Variants in CTNND2 observed in about 807,000 individuals in gnomAD.
CTNND2 encodes the protein catenin delta-2.
In CTNND2, 22 loss-of-function variants were observed where a neutral mutation model predicts 144.4. That is an observed-to-expected ratio of 0.15 (90% CI 0.11 to 0.22). The LOEUF (loss-of-function observed/expected upper bound fraction) is 0.22, where lower values mean the gene tolerates loss of function less well. Ranked by LOEUF, CTNND2 falls within the 10% of genes least tolerant of loss-of-function variation. The probability of loss-of-function intolerance (pLI) is 1.00; values close to 1 mark genes in which losing one functional copy is unlikely to be tolerated. For missense variants in CTNND2, 1,353 were observed against 1,618.8 expected (o/e 0.84, Z 2.82); for synonymous variants, 751 against 695.6 (o/e 1.08, Z -1.25).
At chr5:11,784,248 G>A (rs1008487785) in intron 1 of CTNND2, among the ~76,000 whole-genome samples, 5 of 152,138 alleles carry the variant, frequency 3.3e-5, no homozygotes, top group African/African-American at 1.2e-4. Flanking sequence ...AATTCAAATG[G>A]ACAATGGGAA....
At chr5:11,217,498 A>G (rs1329686234) in intron 10 of CTNND2, among the ~76,000 whole-genome samples, 1 of 152,230 alleles carries the variant, frequency 6.6e-6, no homozygotes, top group Non-Finnish European at 1.5e-5. Flanking sequence ...GTGGAAAAGA[A>G]TGAAGCATCA....
At chr5:11,257,360 T>C (rs541497842) in intron 9 of CTNND2, among the ~76,000 whole-genome samples, 3 of 152,272 alleles carry the variant, frequency 2.0e-5, no homozygotes, top group East Asian at 1.9e-4. Flanking sequence ...ATGCACCAAT[T>C]TACTGTATTA....
intron 1 of CTNND2, among the ~76,000 whole-genome samples, chr5:11,891,628 G>A (rs1736970168): frequency 6.6e-6 from 1 of 152,218 alleles, no homozygotes; most frequent in South Asian, 2.1e-4. Flanking sequence ...TCTACAAAAG[G>A]CCATGTGAGG....
At chr5:11,901,613 A>G (rs1420407418) in intron 1 of CTNND2, among the ~76,000 whole-genome samples, 1 of 152,228 alleles carries the variant, frequency 6.6e-6, no homozygotes, top group Non-Finnish European at 1.5e-5. Context: ...ATACAACTAC[A>G]CAAACGTACA....
intron 2 of CTNND2, among the ~76,000 whole-genome samples, chr5:11,597,148 C>A (rs1779548090): frequency 6.6e-6 from 1 of 152,174 alleles, no homozygotes; most frequent in South Asian, 2.1e-4. Context: ...GTAGAAACAG[C>A]ACATTGTTCT....
intron 3 of CTNND2, among the ~76,000 whole-genome samples, chr5:11,432,141 T>A (rs1192958536): frequency 2.8e-5 from 4 of 143,556 alleles, no homozygotes; most frequent in African/African-American, 5.4e-5. Flanking sequence ...TTTTTTTTTT[T>A]AAGTTAAGGG....
At chr5:10,982,724 A>G (rs1024820760) in intron 20 of CTNND2, among the ~76,000 whole-genome samples, 1 of 152,254 alleles carries the variant, frequency 6.6e-6, no homozygotes, top group Non-Finnish European at 1.5e-5. Flanking sequence ...GCTGTTGACA[A>G]TAGCCTAGAT....
chr5:10,994,892 G>T (rs1739176939), intron 18 of CTNND2, among the ~76,000 whole-genome samples: 1 of 152,154 alleles, frequency 6.6e-6, no homozygotes, highest in African/African-American at 2.4e-5. Flanking sequence ...CCACACTGGA[G>T]GGTTTGCTGG....
At chr5:11,897,997 C>T (rs930438675) in intron 1 of CTNND2, among the ~76,000 whole-genome samples, 1 of 152,208 alleles carries the variant, frequency 6.6e-6, no homozygotes, top group Non-Finnish European at 1.5e-5. Context: ...CTTCTCTCTT[C>T]CTCTGGAGAT....
chr5:10,989,947 G>A (rs756125869), intron 19 of CTNND2, among the ~76,000 whole-genome samples: 8 of 152,146 alleles, frequency 5.3e-5, no homozygotes, highest in Non-Finnish European at 1.2e-4. Flanking sequence ...TTGGATCCTG[G>A]ATGCCTATTA....
At chr5:11,547,787 C>A (rs535294381) in intron 3 of CTNND2, among the ~76,000 whole-genome samples, 1 of 152,248 alleles carries the variant, frequency 6.6e-6, no homozygotes, top group East Asian at 1.9e-4. Context: ...TACATATTGC[C>A]AGTGGGAAAG....
At chr5:11,578,040 C>A (rs1267534292) in intron 2 of CTNND2, among the ~76,000 whole-genome samples, 1 of 151,960 alleles carries the variant, frequency 6.6e-6, no homozygotes, top group Non-Finnish European at 1.5e-5. Flanking sequence ...GTTCTTACAC[C>A]CAAAAAAATA....
chr5:11,678,812 C>T (rs1436198779), intron 2 of CTNND2, among the ~76,000 whole-genome samples: 5 of 152,012 alleles, frequency 3.3e-5, no homozygotes, highest in African/African-American at 4.8e-5. Context: ...GGCCTATATA[C>T]GTGAAAAATC....
intron 2 of CTNND2, among the ~76,000 whole-genome samples, chr5:11,669,838 T>C (rs951241473): frequency 6.6e-6 from 1 of 152,142 alleles, no homozygotes; most frequent in Non-Finnish European, 1.5e-5. Flanking sequence ...GTAATTGTGA[T>C]GTTAGGGAGT....
chr5:11,882,715 T>C (rs777456009), intron 1 of CTNND2, among the ~76,000 whole-genome samples: 1 of 152,156 alleles, frequency 6.6e-6, no homozygotes, highest in East Asian at 1.9e-4. Flanking sequence ...TATAGATTTA[T>C]AGTATATTTT....
chr5:11,193,435 T>C (rs1736538696), intron 11 of CTNND2, among the ~76,000 whole-genome samples: 1 of 152,222 alleles, frequency 6.6e-6, no homozygotes, highest in Non-Finnish European at 1.5e-5. Flanking sequence ...TATTCATTTT[T>C]ATCTTTGGGA....
chr5:11,346,504 T>A lies in CTNND2; in HGVS notation c.1496A>T (p.Tyr499Phe), dbSNP rs1343457366. 1 of 1,606,086 alleles carries A rather than the reference T, an allele frequency of 6.2e-7. No individual in the cohort carries two copies. The highest frequency in any genetic ancestry group is 8.5e-7 in the Non-Finnish European group (1 of 1,176,652). The change falls in exon 9 of 22, where the codon TAC (tyrosine) becomes TTC (phenylalanine). Residue 499 changes from tyrosine (Y) to phenylalanine (F), a missense_variant. Around this residue, in one of 4 missense-constraint regions of CTNND2, gnomAD observed 708 missense variants for 706.4 expected, o/e 1.00. Transcript: ENST00000304623. ...CTGCAGCTGTCGGTAGGGGTCCGCG[T>A]AATTGGAGGCTGGGCCGGCGGCATA... is the stretch of plus-strand genomic sequence containing the variant. The part of the protein sequence containing the change: ...ASYAAGPASN[Y>F]ADPYRQLQYC...
intron 1 of CTNND2, among the ~76,000 whole-genome samples, chr5:11,836,903 G>T (rs139354001): frequency 6.6e-6 from 1 of 152,158 alleles, no homozygotes; most frequent in Non-Finnish European, 1.5e-5. Context: ...AATATCCATC[G>T]CCACCAGTGG....
intron 3 of CTNND2, among the ~76,000 whole-genome samples, chr5:11,544,926 G>A (rs773262999): frequency 6.6e-5 from 10 of 152,110 alleles, no homozygotes; most frequent in Admixed American, 2.0e-4. Flanking sequence ...AGACTAGCCT[G>A]ACAAACACCA....
Sources: allele counts gnomAD v4.1 joint callset (sites outside exome capture counted in the v4.1 genomes callset), GRCh38; gene constraint gnomAD v4.1.1; regional missense constraint gnomAD v4.1.1; transcripts MANE v1.5; gene names NCBI Gene and HGNC (gene_info 2026-07-23, HGNC 2026-07-21).